MAP1A: variants seen among roughly 807,000 people sequenced by gnomAD.
MAP1A encodes the protein microtubule-associated protein 1A.
A neutral mutation model predicts 185.9 loss-of-function variants in MAP1A; 42 were observed. The ratio of observed to expected loss-of-function variants is 0.23; its 90% confidence interval spans 0.18 to 0.29. The LOEUF (loss-of-function observed/expected upper bound fraction) is 0.29. MAP1A is among the 10% of genes least tolerant of loss of function. The probability of loss-of-function intolerance (pLI) is 1.00; values close to 1 mark genes in which losing one functional copy is unlikely to be tolerated. For synonymous variants in MAP1A, 1,229 were observed against 1,335.9 expected (o/e 0.92, Z 1.74); for missense variants, 2,995 against 3,450.4 (o/e 0.87, Z 3.31).
chr15:43,519,099 G>A (rs1034323372), intron 1 of MAP1A, among the ~76,000 whole-genome samples: 8 of 152,126 alleles, frequency 5.3e-5, no homozygotes, highest in African/African-American at 1.9e-4. Context: ...TTTGTGTGGA[G>A]GGAGCTCTTG....
intron 1 of MAP1A, among the ~76,000 whole-genome samples, chr15:43,519,960 A>G (rs2079313040): frequency 6.6e-6 from 1 of 152,250 alleles, no homozygotes; most frequent in African/African-American, 2.4e-5. Flanking sequence ...ACTTCCGAGC[A>G]GGAACAATAT....
In MAP1A at chr15:43,511,103, T is replaced by A. The variant is rs753274236; in HGVS notation, c.115T>A (p.Cys39Ser). ...GGCTCAGAACCCCGCGGAGCTGCTG[T>A]GCGAGGCCGGAGCCGCGGTGGCGGC... is the stretch of plus-strand genomic sequence containing the variant. Residue 39 changes from cysteine to serine, a missense_variant, in exon 1 of 7, where the codon TGC becomes AGC. Coordinates refer to the MAP1A transcript ENST00000382031. 3.9e-6 allele frequency: 6 copies of A among 1,550,300 alleles called. No homozygotes were observed. In the South Asian group the frequency reaches 5.9e-5, roughly 15 times the overall value.
chr15:43,525,562 G>A lies in MAP1A; in HGVS notation c.4089G>A (p.Lys1363=). Residue 1363 remains lysine (K), a synonymous_variant, in exon 4 of 6, where the codon AAG becomes AAA. Transcript: ENST00000300231. The part of the protein sequence containing the change: ...TSEQKKEPEP[K]DEVLQQKDKT... ...AACAGAAGAAGGAACCTGAGCCAAA[G>A]GATGAAGTTTTACAGCAGAAAGACA... The A allele has an allele frequency of 6.2e-7, 1 of 1,614,224 alleles. No individual in the cohort carries two copies. Among genetic ancestry groups the A allele is most frequent in the Non-Finnish European group, 8.5e-7 (1 of 1,180,040 alleles).
rs2079356120 is a variant in MAP1A at position 43,528,500 on chromosome 15, G to A, written c.7027G>A (p.Ala2343Thr). ...GTGCCACCTGGAGTGCTCAGAGGCA[G>A]CCACGGAGAAGCCAAGCCCCTTCCA... ...LPCHLECSEA[A>T]TEKPSPFQVP... is the part of the protein sequence containing the mutation. Residue 2343 changes from alanine to threonine, a missense_variant, in exon 4 of 6, where the codon GCC (alanine) becomes ACC (threonine). By Grantham distance (58) the Ala-to-Thr change is moderately conservative (BLOSUM62 0). This residue lies in a region of MAP1A where 2,728 missense variants were observed against 2,986.0 expected (regional missense o/e 0.91). Transcript: ENST00000300231. 1.2e-6 allele frequency: 2 copies of A among 1,613,394 alleles called. No homozygotes were observed. The highest frequency in any genetic ancestry group is 2.7e-5 in the African/African-American group (2 of 74,952).
At chr15:43,519,662 CT>C (rs1263450070) in intron 1 of MAP1A, among the ~76,000 whole-genome samples, 2 of 152,190 alleles carry the variant, frequency 1.3e-5, no homozygotes, top group African/African-American at 4.8e-5. Context: ...CACTTTCTTT[CT>C]TTGCTGAATT....
rs147560465 is a variant in MAP1A, at chr15:43,523,228, A to T, written c.1755A>T (p.Gln585His). The T allele has an allele frequency of 6.2e-7, 1 of 1,614,046 alleles. No individual in the cohort carries two copies. The highest frequency in any genetic ancestry group is 1.1e-5 in the South Asian group (1 of 91,080). ...GTPPSVPGLG[Q>H]EEHVMKEKEL... ...CACCCTCTGTTCCAGGGCTGGGACA[A>T]GAAGAACATGTGATGAAGGAGAAAG... Residue 585 changes from glutamine to histidine, a missense_variant, in exon 4 of 6, where the codon CAA becomes CAT. This residue lies in a region of MAP1A where 2,728 missense variants were observed against 2,986.0 expected (regional missense o/e 0.91). Coordinates refer to ENST00000300231, the MANE Select transcript of MAP1A (RefSeq NM_002373.6).
upstream of MAP1A, among the ~76,000 whole-genome samples, chr15:43,514,795 A>G (rs2079292501): frequency 6.6e-6 from 1 of 152,230 alleles, no homozygotes; most frequent in African/African-American, 2.4e-5. Flanking sequence ...CGAGCATTCT[A>G]ATACAAATTC....
At position 43,529,240 on chromosome 15, in the gene MAP1A, T is replaced by C. The variant is rs2079360863; in HGVS notation, c.7767T>C (p.Ser2589=). ...MADPEGLSSE[S]GRVERLREKE... is the part of the protein sequence containing the mutation. The stretch of plus-strand genomic sequence containing the variant: ...ACCCCGAGGGGCTCAGCTCAGAGTC[T>C]GGGAGAGTAGAGAGGCTACGGGAGA... The change falls in exon 4 of 6, where the codon TCT becomes TCC. Residue 2589 remains serine (S), a synonymous_variant. Transcript: ENST00000300231. This position sits in a 1 kb window ranked among gnomAD's most constrained non-coding sequence, Gnocchi z 4.3. 1 of 1,600,234 alleles carries C rather than the reference T, an allele frequency of 6.2e-7. No homozygotes were observed. The highest frequency in any genetic ancestry group is 1.1e-5 in the South Asian group (1 of 90,662).
At chr15:43,519,460 G>A (rs2079311380) in intron 1 of MAP1A, among the ~76,000 whole-genome samples, 1 of 152,110 alleles carries the variant, frequency 6.6e-6, no homozygotes, top group Admixed American at 6.5e-5. Flanking sequence ...GAGAGAGCTG[G>A]GTCACAGAAG....
chr15:43,511,816 C>G (rs1040026909), intron 1 of MAP1A, among the ~76,000 whole-genome samples: 1 of 152,188 alleles, frequency 6.6e-6, no homozygotes, highest in African/African-American at 2.4e-5. Context: ...AGAAGGCGAA[C>G]CTAGAATCCT....
In MAP1A at chr15:43,524,861, G is replaced by T; in HGVS notation, c.3388G>T (p.Gly1130Cys). 1 of 1,614,144 alleles carries T rather than the reference G, an allele frequency of 6.2e-7. No individual in the cohort carries two copies. The highest frequency in any genetic ancestry group is 8.5e-7 in the Non-Finnish European group (1 of 1,180,036). ...GGLRTLPQEP[G>C]KPQKDEVLRY... ...TTTGAGGACTTTACCCCAAGAACCTGGCAAACCTCAGAAAGATGAGGTGCT... is the reference window on the plus strand; with the variant it reads ...TTTGAGGACTTTACCCCAAGAACCTTGCAAACCTCAGAAAGATGAGGTGCT... Residue 1130 changes from glycine to cysteine, a missense_variant, in exon 4 of 6, where the codon GGC becomes TGC. Physicochemically the swap from Gly to Cys is radical, Grantham distance 159 (BLOSUM62 -3). Transcript: ENST00000300231.
rs779537897 is a variant in MAP1A, at chr15:43,526,296, A to G, written c.4823A>G (p.Glu1608Gly). The G allele has an allele frequency of 3.1e-6, 5 of 1,614,206 alleles. No homozygotes were observed. In the South Asian group the frequency reaches 5.5e-5, roughly 18 times the overall value. Residue 1608 changes from glutamate to glycine, a missense_variant, in exon 4 of 6, where the codon GAA (glutamate) becomes GGA (glycine). Around this residue, in one of 3 missense-constraint regions of MAP1A, gnomAD observed 2,728 missense variants for 2,986.0 expected, o/e 0.91. Coordinates refer to ENST00000300231, the MANE Select transcript of MAP1A (RefSeq NM_002373.6). This position sits in a 1 kb window ranked among gnomAD's most constrained non-coding sequence, Gnocchi z 4.7. ...TCCCCAGAAAAGGTCAAGGCCATGG[A>G]AGAGAAGTTAGAAGCTCTTCTGGAG... Reference protein sequence around the residue: ...EKSPEKVKAMEEKLEALLEKT... With the variant: ...EKSPEKVKAMGEKLEALLEKT...
intron 1 of MAP1A, 47 bp from the exon 2 acceptor site, chr15:43,520,594 A>G (rs1314930236): frequency 8.0e-7 from 1 of 1,255,006 alleles, no homozygotes; most frequent in East Asian, 2.5e-5. Flanking sequence ...CCTGCACCAC[A>G]ATTTCTATAC....
rs2079358244 is a variant in MAP1A, at chr15:43,528,810, G to A, written c.7337G>A (p.Gly2446Glu). ...GCATEPRPHR[G>E]ELSPSFLNPP... ...GCCACTGAGCCTCGGCCCCATCGTG[G>A]GGAGCTCTCCCCATCCTTCCTGAAC... Residue 2446 changes from glycine (G) to glutamate (E), a missense_variant, in exon 4 of 6, where the codon GGG becomes GAG. Coordinates refer to ENST00000300231, the MANE Select transcript of MAP1A (RefSeq NM_002373.6). 1 of 1,613,406 alleles carries A rather than the reference G, an allele frequency of 6.2e-7. No individual in the cohort carries two copies. Among genetic ancestry groups the A allele is most frequent in the Admixed American group, 1.7e-5 (1 of 59,988 alleles).
At position 43,524,796 on chromosome 15, in the gene MAP1A, C is replaced by T. The variant is rs1440600390; in HGVS notation, c.3323C>T (p.Pro1108Leu). ...IVFEIMEAGEPTGPILGAEAL... is the reference protein window; with the variant it reads ...IVFEIMEAGELTGPILGAEAL... ...TTTGAGATTATGGAGGCAGGAGAGC[C>T]CACAGGCCCAATTCTGGGAGCAGAA... Residue 1108 changes from proline (P) to leucine (L), a missense_variant, in exon 4 of 6, where the codon CCC becomes CTC. Transcript: ENST00000300231. 6.2e-7 allele frequency: 1 copy of T among 1,614,146 alleles called. No homozygotes were observed. Among genetic ancestry groups the T allele is most frequent in the East Asian group, 2.2e-5 (1 of 44,884 alleles).
chr15:43,515,454 G>A (rs955206267), upstream of MAP1A, among the ~76,000 whole-genome samples: 1 of 152,154 alleles, frequency 6.6e-6, no homozygotes. Context: ...TTAGTTCTGG[G>A]TTTACCTGGG....
chr15:43,529,906 C>T lies in MAP1A; in HGVS notation c.8256+36C>T, dbSNP rs1702335523. 1.3e-6 allele frequency: 2 copies of T among 1,596,642 alleles called. No individual in the cohort carries two copies. Among genetic ancestry groups the T allele is most frequent in the Admixed American group, 1.7e-5 (1 of 59,328 alleles). ...AAGGACACCAAGGAAGTAGTCTGGT[C>T]AACGCTCACTCAGAGGCAGTAGTGG... On this transcript the variant is annotated intron_variant, in intron 5 of 5. Coordinates refer to ENST00000300231, the MANE Select transcript of MAP1A (RefSeq NM_002373.6). This position sits in a 1 kb window ranked among gnomAD's most constrained non-coding sequence, Gnocchi z 4.3.
chr15:43,511,053 G>A, exon 1 of MAP1A: 1 of 1,549,172 alleles, frequency 6.5e-7, no homozygotes, highest in South Asian at 1.2e-5. Context: ...CCGGGGCTGG[G>A]GCTCCGAAGT....
At chr15:43,511,070 G>T (rs1483610920) in exon 1 of MAP1A, 5 of 1,549,446 alleles carry the variant, frequency 3.2e-6, no homozygotes, top group Non-Finnish European at 8.7e-7. Context: ...AAGTCCCGGC[G>T]CACCGCTGGC....
Sources: allele counts gnomAD v4.1 joint callset (sites outside exome capture counted in the v4.1 genomes callset), GRCh38; gene constraint gnomAD v4.1.1; regional missense constraint gnomAD v4.1.1; non-coding constraint Gnocchi (gnomAD v3.1); transcripts MANE v1.5; gene names NCBI Gene and HGNC (gene_info 2026-07-23, HGNC 2026-07-21).